Variants in SKA1 observed in about 807,000 individuals in gnomAD.
SKA1 encodes spindle and kinetochore associated complex subunit 1.
A neutral mutation model predicts 31.8 loss-of-function variants in SKA1; 20 were observed. The observed-to-expected ratio is 0.63, with a 90% confidence interval of 0.44 to 0.91. SKA1 has a LOEUF of 0.91. Ranked by LOEUF, SKA1 falls within the 40% of genes least tolerant of loss-of-function variation. The pLI, the probability that SKA1 is intolerant of heterozygous loss-of-function variation, is 0.00. For synonymous variants in SKA1, 88 were observed against 100.5 expected (o/e 0.88, Z 0.74); for missense variants, 253 against 298.2 (o/e 0.85, Z 1.12).
At chr18:50,382,378 A>T in intron 4 of SKA1, 152 bp downstream of exon 4, 2 of 485,526 alleles carry the variant, frequency 4.1e-6, no homozygotes, top group South Asian at 4.2e-5. Context: ...TTCCATGTTC[A>T]CCAGTTTTCT....
chr18:50,384,844 C>A (rs2041290561), intron 4 of SKA1, among the ~76,000 whole-genome samples: 1 of 57,046 alleles, frequency 1.8e-5, no homozygotes, highest in Non-Finnish European at 2.9e-5. Flanking sequence ...TACCCTAAAA[C>A]TTAGAGTATA....
At chr18:50,385,828 C>T (rs2041303187) in intron 5 of SKA1, among the ~76,000 whole-genome samples, 2 of 152,136 alleles carry the variant, frequency 1.3e-5, no homozygotes, top group Non-Finnish European at 2.9e-5. Context: ...GGGCGGGTCT[C>T]CCTTGCCTTT....
At position 50,385,222 on chromosome 18, in the gene SKA1, G is replaced by A. The variant is rs763280534; in HGVS notation, c.318G>A (p.Lys106=). Residue 106 remains lysine, a synonymous_variant, in exon 5 of 7, where the codon AAG becomes AAA. Coordinates refer to ENST00000285116, the MANE Select transcript of SKA1 (RefSeq NM_145060.4). ...GTACATCTGTATTCTGTAGTGTTAAGGGATCAGATCTTGATCCTGAAGAAC... is the reference window on the plus strand; with the variant it reads ...GTACATCTGTATTCTGTAGTGTTAAAGGATCAGATCTTGATCCTGAAGAAC... ...PQVTVTQSCV[K]GSDLDPEEPI... The A allele has an allele frequency of 1.2e-6, 2 of 1,612,002 alleles. No individual in the cohort carries two copies. Among genetic ancestry groups the A allele is most frequent in the Non-Finnish European group, 1.7e-6 (2 of 1,179,260 alleles).
intron 5 of SKA1, among the ~76,000 whole-genome samples, chr18:50,390,435 G>T (rs1243615140): frequency 1.3e-5 from 2 of 152,128 alleles, no homozygotes; most frequent in Admixed American, 6.5e-5. Flanking sequence ...TTTTTATATT[G>T]TAAGACTCCA....
At chr18:50,375,950 A>G (rs749359528) in intron 2 of SKA1, 32 bp downstream of exon 2, 13 of 1,354,862 alleles carry the variant, frequency 9.6e-6, no homozygotes, top group African/African-American at 2.9e-5. Context: ...GACTTTGTAT[A>G]TACAAAATGC....
In SKA1 at chr18:50,388,964, A is replaced by G. The variant is rs111255064; in HGVS notation, c.450-2160A>G. Among the ~76,000 whole-genome samples, 465 of 152,180 alleles carry G rather than the reference A, an allele frequency of 3.1e-3. 3 individuals are homozygous for G. Among genetic ancestry groups the G allele is most frequent in the African/African-American group, 0.01 (417 of 41,516 alleles). ...TAGCAGTTTGTCCGTTACTATTTAA[A>G]TGTTCCTACAGTTACTCACTCCAGT... On this transcript the variant is annotated intron_variant, in intron 5 of 6. Coordinates refer to ENST00000285116, the MANE Select transcript of SKA1 (RefSeq NM_145060.4).
In SKA1 at chr18:50,392,312, C is replaced by A; in HGVS notation, c.*65C>A. On this transcript the variant is annotated 3_prime_UTR_variant, in exon 7 of 7. Coordinates refer to ENST00000285116, the MANE Select transcript of SKA1 (RefSeq NM_145060.4). ...GTATAGAGGCTATTTCTATAATTTT[C>A]TTATATATAATTTTTTTAACTTTTA... The A allele has an allele frequency of 9.9e-6, 10 of 1,013,892 alleles. No individual in the cohort carries two copies. The highest frequency in any genetic ancestry group is 3.2e-5 in the East Asian group (1 of 30,774). The allele number at this position is 1,013,892 out of a possible 1,614,324, so 62.8% of individuals were successfully genotyped here.
At chr18:50,385,496 G>T in intron 5 of SKA1, 143 bp downstream of exon 5, 1 of 777,974 alleles carries the variant, frequency 1.3e-6, no homozygotes, top group Admixed American at 3.6e-5. Context: ...CTATGAAAAT[G>T]CAGTAAATTT....
chr18:50,379,582 A>C (rs771747361), intron 2 of SKA1, among the ~76,000 whole-genome samples: 8 of 152,268 alleles, frequency 5.3e-5, no homozygotes, highest in Non-Finnish European at 1.0e-4. Context: ...GCCTCGTTTG[A>C]GATTCTCACT....
chr18:50,391,274 A>G lies in SKA1; in HGVS notation c.600A>G (p.Glu200=). Residue 200 remains glutamate, a synonymous_variant, in exon 6 of 7, where the codon GAA becomes GAG. Transcript: ENST00000285116. ...ATCTCTATCACAGATTTATTGATGA[A>G]GAAACGAAGGATACCAAAGGTAAAA... ...TRNLYHRFID[E]ETKDTKGRYF... 5.6e-6 allele frequency: 9 copies of G among 1,596,514 alleles called. No homozygotes were observed. The highest frequency in any genetic ancestry group is 6.8e-6 in the Non-Finnish European group (8 of 1,175,182).
At chr18:50,385,949 C>T (rs2041304147) in intron 5 of SKA1, among the ~76,000 whole-genome samples, 1 of 151,964 alleles carries the variant, frequency 6.6e-6, no homozygotes, top group Non-Finnish European at 1.5e-5. Context: ...TTCTTGTTAC[C>T]TTTTTATTAT....
rs1419973045 is a variant in SKA1, at chr18:50,392,341, T to G, written c.*94T>G. 1 of 852,344 alleles carries G rather than the reference T, an allele frequency of 1.2e-6. No individual in the cohort carries two copies. The highest frequency in any genetic ancestry group is 4.3e-5 in the Admixed American group (1 of 23,366). The allele number at this position is 852,344 out of a possible 1,614,324, so 52.8% of individuals were successfully genotyped here. On this transcript the variant is annotated 3_prime_UTR_variant, in exon 7 of 7. Transcript: ENST00000285116. ...TATATAATTTTTTTAACTTTTAATC[T>G]TTTTTGTTTCCTTTTTTTTTTTTTT... is the stretch of plus-strand genomic sequence containing the variant.
chr18:50,376,289 CAA>C (rs1363794680), intron 2 of SKA1, among the ~76,000 whole-genome samples: 1 of 152,112 alleles, frequency 6.6e-6, no homozygotes, highest in Non-Finnish European at 1.5e-5. Flanking sequence ...TGTCGTTGTG[CAA>C]ACATCACATC....
At chr18:50,383,943 C>T (rs957024417) in intron 4 of SKA1, among the ~76,000 whole-genome samples, 1 of 152,172 alleles carries the variant, frequency 6.6e-6, no homozygotes, top group African/African-American at 2.4e-5. Flanking sequence ...GGCCGAGTCA[C>T]ACCACCTCAG....
chr18:50,380,163 A>T lies in SKA1; in HGVS notation c.126A>T (p.Ile42=), dbSNP rs1214758307. The T allele has an allele frequency of 6.4e-7, 1 of 1,554,004 alleles. No individual in the cohort carries two copies. The highest frequency in any genetic ancestry group is 2.3e-5 in the Admixed American group (1 of 44,124). ...CCTTGAAAACTGTATTAAATAAAAT[A>T]GGAGATGAGATCATTGTAATAAATG... ...EPTLKTVLNK[I]GDEIIVINEL... is the part of the protein sequence containing the mutation. The change falls in exon 3 of 7, where the codon ATA becomes ATT. Residue 42 remains isoleucine (I), a synonymous_variant. Transcript: ENST00000285116.
At chr18:50,380,398 T>C (rs1268758125) in intron 3 of SKA1, 148 bp downstream of exon 3, 8 of 926,472 alleles carry the variant, frequency 8.6e-6, no homozygotes, top group Non-Finnish European at 1.0e-5. Context: ...TTTATTTTCC[T>C]AGTATAGTGG....
chr18:50,386,234 CTTTA>C (rs1198733659), intron 5 of SKA1, among the ~76,000 whole-genome samples: 3 of 152,128 alleles, frequency 2.0e-5, no homozygotes, highest in Non-Finnish European at 4.4e-5. Context: ...TTTGGGTTGA[CTTTA>C]TTGTTATAAA....
At chr18:50,380,016 T>A in intron 2 of SKA1, 110 bp from the exon 3 acceptor site, 2 of 911,190 alleles carry the variant, frequency 2.2e-6, no homozygotes, top group Non-Finnish European at 3.1e-6. Context: ...AGTAGACCTT[T>A]TTCCACCCCT....
At chr18:50,383,277 C>T (rs2041277072) in intron 4 of SKA1, among the ~76,000 whole-genome samples, 1 of 152,184 alleles carries the variant, frequency 6.6e-6, no homozygotes, top group Admixed American at 6.5e-5. Context: ...TTGCATACCA[C>T]CTTTTTGTTT....
Sources: gnomAD v4.1 joint callset for allele counts (sites outside exome capture counted in the v4.1 genomes callset) on GRCh38, gnomAD v4.1.1 for gene constraint, MANE v1.5 for transcripts, NCBI Gene and HGNC (gene_info 2026-07-23, HGNC 2026-07-21) for gene names.